The following USP42 variants were observed in gnomAD, a reference collection of about 807,000 sequenced individuals.
USP42 encodes ubiquitin carboxyl-terminal hydrolase 42.
USP42 carries 23 observed loss-of-function variants against 113.0 expected under a neutral mutation model. That is an observed-to-expected ratio of 0.20 (90% CI 0.15 to 0.29). The LOEUF (loss-of-function observed/expected upper bound fraction) is 0.29. Among genes scored for constraint, USP42 ranks in the 10% least tolerant of loss-of-function variants. The pLI, the probability that USP42 is intolerant of heterozygous loss-of-function variation, is 1.00. For synonymous variants in USP42, 933 were observed against 699.0 expected (o/e 1.33, Z -5.28); for missense variants, 2,174 against 1,779.8 (o/e 1.22, Z -3.99).
rs770461575 is a variant in USP42 at position 6,156,900 on chromosome 7, G to A, written c.3788G>A (p.Ser1263Asn). 12 of 1,613,856 alleles carry A rather than the reference G, an allele frequency of 7.4e-6. No homozygotes were observed. Among genetic ancestry groups the A allele is most frequent in the Non-Finnish European group, 2.5e-6 (3 of 1,179,848 alleles). Reference protein sequence around the residue: ...DSELHLPRVTSLETVAQFRRA... With the variant: ...DSELHLPRVTNLETVAQFRRA... ...GAACTGCACTTACCCAGGGTCACCAGCTTGGAGACTGTCGCCCAGTTCCGG... is the reference window on the plus strand; with the variant it reads ...GAACTGCACTTACCCAGGGTCACCAACTTGGAGACTGTCGCCCAGTTCCGG... The change falls in exon 16 of 18, where the codon AGC becomes AAC. Residue 1263 changes from serine to asparagine, a missense_variant. Ser to Asn is a conservative substitution (Grantham distance 46, BLOSUM62 1). Coordinates refer to ENST00000306177, the MANE Select transcript of USP42 (RefSeq NM_032172.3).
In USP42 at chr7:6,159,671, A is replaced by G. The variant is rs1472657060; in HGVS notation, c.*36+178A>G. Among the ~76,000 whole-genome samples, 1 of 152,216 alleles carries G rather than the reference A, an allele frequency of 6.6e-6. No individual in the cohort carries two copies. Among genetic ancestry groups the G allele is most frequent in the Non-Finnish European group, 1.5e-5 (1 of 68,042 alleles). On this transcript the variant is annotated intron_variant, in intron 17 of 17. Transcript: ENST00000306177. The surrounding 1 kb of genome is among the most constrained non-coding windows in gnomAD (Gnocchi z 4.1). ...AGACCCAGGCCACGCGCTTGGGGAC[A>G]GACCTAGACCCTCCACCTCATCACG...
chr7:6,091,202 C>T, the USP42 span, among the ~76,000 whole-genome samples: 1 of 150,890 alleles, frequency 6.6e-6, no homozygotes, highest in Non-Finnish European at 1.5e-5. Flanking sequence ...TAACTTTACA[C>T]ACTTTTCTTT....
chr7:6,101,876 C>T (rs1019664271), upstream of USP42, among the ~76,000 whole-genome samples: 2 of 148,790 alleles, frequency 1.3e-5, no homozygotes, highest in East Asian at 2.0e-4. Flanking sequence ...GCCAGGAGTT[C>T]GAGTCCAGCC....
At chr7:6,094,240 A>T in the USP42 span, among the ~76,000 whole-genome samples, 21 of 149,972 alleles carry the variant, frequency 1.4e-4, 1 homozygote, top group African/African-American at 4.8e-4. Context: ...ATCGTGCCAT[A>T]ATAGCTCACT....
At chr7:6,102,678 CTT>C (rs1790163962), upstream of USP42, among the ~76,000 whole-genome samples, 1 of 150,724 alleles carries the variant, frequency 6.6e-6, no homozygotes, top group Admixed American at 6.6e-5. Flanking sequence ...CATGGGTGGG[CTT>C]TCTACAAGCA....
At chr7:6,144,328 A>G (rs1781586881) in intron 9 of USP42, 132 bp downstream of exon 9, 2 of 620,080 alleles carry the variant, frequency 3.2e-6, no homozygotes, top group East Asian at 3.4e-5. Context: ...TTTGGGCTTC[A>G]TTGTCTGTTT....
chr7:6,091,259 C>G, the USP42 span, among the ~76,000 whole-genome samples: 1 of 150,882 alleles, frequency 6.6e-6, no homozygotes, highest in African/African-American at 2.5e-5. Flanking sequence ...GGGTCTTGCT[C>G]TGTTGCCCAG....
intron 2 of USP42, among the ~76,000 whole-genome samples, chr7:6,113,735 C>T (rs771299731): frequency 1.3e-4 from 20 of 152,262 alleles, no homozygotes; most frequent in Non-Finnish European, 2.4e-4. Flanking sequence ...CATTCTCCTG[C>T]CTCAGCCTCC....
At position 6,150,296 on chromosome 7, in the gene USP42, T is replaced by C; in HGVS notation, c.2100T>C (p.Pro700=). ...ENPFAKANGL[P]GKLMPAPLLS... Reference sequence around the variant, plus strand: ...CCTTTGCTAAGGCAAACGGTCTTCCTGGAAAGGTGAGTGCACGTCAGGGTC... The same window carrying C: ...CCTTTGCTAAGGCAAACGGTCTTCCCGGAAAGGTGAGTGCACGTCAGGGTC... Residue 700 remains proline, a synonymous_variant, in exon 13 of 18, where the codon CCT becomes CCC. Transcript: ENST00000306177. The C allele has an allele frequency of 6.2e-7, 1 of 1,612,932 alleles. No individual in the cohort carries two copies. The highest frequency in any genetic ancestry group is 8.5e-7 in the Non-Finnish European group (1 of 1,179,522).
At chr7:6,146,274 G>T (rs570305082) in intron 11 of USP42, 26 bp downstream of exon 11, 5 of 1,389,166 alleles carry the variant, frequency 3.6e-6, no homozygotes, top group Non-Finnish European at 4.9e-6. Flanking sequence ...CAAATTGCCA[G>T]ATTTTCTGGT....
At position 6,116,327 on chromosome 7, in the gene USP42, A is replaced by G. The variant is rs1409564163; in HGVS notation, c.442+804A>G. Among the ~76,000 whole-genome samples, 49 of 152,190 alleles carry G rather than the reference A, an allele frequency of 3.2e-4. 1 individual carries two copies. Among genetic ancestry groups the G allele is most frequent in the Admixed American group, 3.2e-3 (49 of 15,258 alleles). On this transcript the variant is annotated intron_variant, in intron 3 of 17. Transcript: ENST00000306177. ...CTTCATCTTCAACCTACATGGCAGGAAATCAGTTAAAGCTTATTAAAATGT... is the reference window on the plus strand; with the variant it reads ...CTTCATCTTCAACCTACATGGCAGGGAATCAGTTAAAGCTTATTAAAATGT...
At chr7:6,112,696 T>C (rs947796748) in intron 2 of USP42, among the ~76,000 whole-genome samples, 8 of 152,124 alleles carry the variant, frequency 5.3e-5, no homozygotes, top group Admixed American at 3.3e-4. Context: ...CCAACACAAA[T>C]CCGTAAACTT....
In USP42 at chr7:6,155,002, C is replaced by T. The variant is rs1443201919; in HGVS notation, c.3448C>T (p.Arg1150Trp). The change falls in exon 15 of 18, where the codon CGG (arginine) becomes TGG (tryptophan). Residue 1150 changes from arginine to tryptophan, a missense_variant. Coordinates refer to ENST00000306177, the MANE Select transcript of USP42 (RefSeq NM_032172.3). Reference protein sequence around the residue: ...VAGDNCNLSDRFHEHENGKSR... With the variant: ...VAGDNCNLSDWFHEHENGKSR... ...CGGAGACAACTGTAACCTCTCTGATCGGTTTCACGAACACGAAAATGGAAA... is the reference window on the plus strand; with the variant it reads ...CGGAGACAACTGTAACCTCTCTGATTGGTTTCACGAACACGAAAATGGAAA... 1.7e-5 allele frequency: 26 copies of T among 1,564,616 alleles called. No homozygotes were observed. Among genetic ancestry groups the T allele is most frequent in the African/African-American group, 2.7e-5 (2 of 73,648 alleles).
At position 6,158,592 on chromosome 7, in the gene USP42, A is replaced by G. The variant is rs1388044573; in HGVS notation, c.3944-858A>G. ...TTGCGGGGTGAGCCCCATGGGGGACATTTGCCCATGGAGTGCTGGGGAAAC... is the reference window on the plus strand; with the variant it reads ...TTGCGGGGTGAGCCCCATGGGGGACGTTTGCCCATGGAGTGCTGGGGAAAC... On this transcript the variant is annotated intron_variant, in intron 16 of 17. Coordinates refer to ENST00000306177, the MANE Select transcript of USP42 (RefSeq NM_032172.3). The surrounding 1 kb of genome is among the most constrained non-coding windows in gnomAD (Gnocchi z 4.2). 6.6e-6 allele frequency among the ~76,000 whole-genome samples: 1 copy of G among 152,146 alleles called. No individual in the cohort carries two copies. Among genetic ancestry groups the G allele is most frequent in the African/African-American group, 2.4e-5 (1 of 41,434 alleles).
At chr7:6,124,686 G>C (rs1780426893) in intron 3 of USP42, among the ~76,000 whole-genome samples, 1 of 151,924 alleles carries the variant, frequency 6.6e-6, no homozygotes, top group Admixed American at 6.6e-5. Context: ...GGTATGAATG[G>C]GTTTAAATCT....
intron 2 of USP42, among the ~76,000 whole-genome samples, chr7:6,112,986 C>G (rs951540310): frequency 4.2e-5 from 6 of 143,772 alleles, no homozygotes; most frequent in Non-Finnish European, 9.0e-5. Flanking sequence ...TCACTGCAAT[C>G]TCTGCCTGCT....
At position 6,154,354 on chromosome 7, in the gene USP42, G is replaced by C; in HGVS notation, c.2800G>C (p.Gly934Arg). 1 of 1,574,284 alleles carries C rather than the reference G, an allele frequency of 6.4e-7. No homozygotes were observed. The highest frequency in any genetic ancestry group is 2.4e-5 in the East Asian group (1 of 42,302). ...GGACGCCGCGGCGCCGAAAGCCCCA[G>C]GCCCTTCCCCAGCGAAGGAGAAAAT... The part of the protein sequence containing the change: ...VEDAAAPKAP[G>R]PSPAKEKIGS... Residue 934 changes from glycine (G) to arginine (R), a missense_variant, in exon 15 of 18, where the codon GGC becomes CGC. Physicochemically the swap from Gly to Arg is moderately radical, Grantham distance 125 (BLOSUM62 -2). Coordinates refer to ENST00000306177, the MANE Select transcript of USP42 (RefSeq NM_032172.3).
Position 6,139,231 on chromosome 7 carries a change from G to C in USP42, c.656+37G>C. On this transcript the variant is annotated intron_variant, in intron 5 of 17. Transcript: ENST00000306177. The surrounding 1 kb of genome is among the most constrained non-coding windows in gnomAD (Gnocchi z 4.5). Reference sequence around the variant, plus strand: ...AGAGCGCCAGCCATGTCTTCATTGGGGATCTCTGGTTGTAGTTTATTCTTA... The same window carrying C: ...AGAGCGCCAGCCATGTCTTCATTGGCGATCTCTGGTTGTAGTTTATTCTTA... The C allele has an allele frequency of 6.9e-7, 1 of 1,448,388 alleles. No homozygotes were observed. The highest frequency in any genetic ancestry group is 9.4e-7 in the Non-Finnish European group (1 of 1,060,270). The allele number at this position is 1,448,388 out of a possible 1,614,324, so 89.7% of individuals were successfully genotyped here.
intron 11 of USP42, among the ~76,000 whole-genome samples, chr7:6,147,423 G>A (rs1050654994): frequency 5.9e-5 from 9 of 152,092 alleles, no homozygotes; most frequent in African/African-American, 1.9e-4. Flanking sequence ...CAGCCTGGGC[G>A]ACGCAGCAAG....
Sources: gnomAD v4.1 joint callset for allele counts (sites outside exome capture counted in the v4.1 genomes callset) on GRCh38, gnomAD v4.1.1 for gene constraint, Gnocchi (gnomAD v3.1) non-coding constraint, MANE v1.5 for transcripts, NCBI Gene and HGNC (gene_info 2026-07-23, HGNC 2026-07-21) for gene names.